The following PDZD2 variants were observed in gnomAD, a reference collection of about 807,000 sequenced individuals.
PDZD2 encodes the protein PDZ domain containing 2.
A neutral mutation model predicts 220.7 loss-of-function variants in PDZD2; 90 were observed. The observed-to-expected ratio is 0.41, with a 90% confidence interval of 0.34 to 0.49. The LOEUF (loss-of-function observed/expected upper bound fraction) is 0.49. Ranked by LOEUF, PDZD2 falls within the 20% of genes least tolerant of loss-of-function variation. The pLI is 0.28. For missense variants in PDZD2, 3,174 were observed against 3,608.5 expected, an observed-to-expected ratio of 0.88 and a Z score of 3.08; for synonymous variants, 1,375 against 1,450.5, an observed-to-expected ratio of 0.95 and a Z score of 1.18.
chr5:32,052,381 G>A, intron 8 of PDZD2: 1 of 408,228 alleles, frequency 2.4e-6, no homozygotes, highest in Non-Finnish European at 4.5e-6. Context: ...CCTGACCTCA[G>A]GTGACCCACC....
rs561426949 is a variant in PDZD2, at chr5:31,869,558, T to C, written c.476+69834T>C. The stretch of plus-strand genomic sequence containing the variant: ...CAGCCTGGGCGACAGAGCGAGACTC[T>C]GTCTCAAAAGAAAAAAAAAACAAAA... On this transcript the variant is annotated intron_variant, in intron 2 of 24. Transcript: ENST00000438447. 5.9e-5 allele frequency among the ~76,000 whole-genome samples: 9 copies of C among 152,000 alleles called. No homozygotes were observed. The East Asian group carries it at 7.7e-4, about 13-fold the overall frequency.
chr5:31,671,088 G>A (rs1046802291), intron 1 of PDZD2, among the ~76,000 whole-genome samples: 1 of 152,124 alleles, frequency 6.6e-6, no homozygotes, highest in Admixed American at 6.5e-5. Context: ...CAGGCAGGGT[G>A]GCTTGGGAGC....
At chr5:31,909,013 C>T (rs1742943100) in intron 2 of PDZD2, 1 of 284,116 alleles carries the variant, frequency 3.5e-6, no homozygotes, top group African/African-American at 2.2e-5. Flanking sequence ...TGCACTCCAG[C>T]CTGGGTAACA....
At chr5:31,802,446 C>T (rs138958544) in intron 2 of PDZD2, among the ~76,000 whole-genome samples, 4 of 152,184 alleles carry the variant, frequency 2.6e-5, no homozygotes, top group Non-Finnish European at 5.9e-5. Context: ...ATGGGCACTC[C>T]GAAAGAAATG....
chr5:32,007,385 T>TAA (rs572413432), intron 5 of PDZD2, among the ~76,000 whole-genome samples: 54 of 136,460 alleles, frequency 4.0e-4, no homozygotes, highest in African/African-American at 1.2e-3. Flanking sequence ...AGTTGGGATT[T>TAA]AAAAAAAAAA....
intron 2 of PDZD2, among the ~76,000 whole-genome samples, chr5:31,896,354 GTGTGTGTGTGTGTA>G (rs947568825): frequency 3.4e-5 from 5 of 147,486 alleles, no homozygotes; most frequent in African/African-American, 5.3e-5. Context: ...GTGTGTGTGT[GTGTGTGTGTGTGTA>G]TGTGTGTGTG....
At chr5:31,910,233 T>TTG in intron 2 of PDZD2, among the ~76,000 whole-genome samples, 2 of 146,734 alleles carry the variant, frequency 1.4e-5, no homozygotes, top group African/African-American at 5.1e-5. Flanking sequence ...TTTTTTTTTT[T>TTG]TTTGGAGACT....
chr5:31,785,102 A>C (rs889815610), intron 1 of PDZD2, among the ~76,000 whole-genome samples: 1 of 152,104 alleles, frequency 6.6e-6, no homozygotes, highest in Admixed American at 6.6e-5. Flanking sequence ...TCCTGCCTTC[A>C]GGGTAAGCAT....
At chr5:31,918,547 C>G (rs1743883887) in intron 2 of PDZD2, among the ~76,000 whole-genome samples, 1 of 152,212 alleles carries the variant, frequency 6.6e-6, no homozygotes, top group Non-Finnish European at 1.5e-5. Flanking sequence ...CTGACTGTCT[C>G]AGGGATAACC....
intron 2 of PDZD2, among the ~76,000 whole-genome samples, chr5:31,959,439 A>G (rs1307041425): frequency 2.0e-5 from 3 of 150,492 alleles, no homozygotes; most frequent in Non-Finnish European, 3.0e-5. Flanking sequence ...GCTCACTGCA[A>G]CCTCCTTCTC....
chr5:31,648,827 C>A (rs1388414515), intron 1 of PDZD2, among the ~76,000 whole-genome samples: 1 of 152,108 alleles, frequency 6.6e-6, no homozygotes, highest in African/African-American at 2.4e-5. Context: ...AGTCGATGAA[C>A]CTGTGTTGGA....
At chr5:31,818,063 G>A (rs142627366) in intron 2 of PDZD2, among the ~76,000 whole-genome samples, 7 of 146,574 alleles carry the variant, frequency 4.8e-5, no homozygotes, top group African/African-American at 1.3e-4. Context: ...TCAACTTCCC[G>A]GACTCAGGTG....
chr5:31,739,185 C>A (rs538084857), intron 1 of PDZD2, among the ~76,000 whole-genome samples: 1 of 152,142 alleles, frequency 6.6e-6, no homozygotes, highest in Non-Finnish European at 1.5e-5. Context: ...CACACCGGGC[C>A]AAATATGCAC....
At chr5:31,871,757 A>G (rs1738818568) in intron 2 of PDZD2, among the ~76,000 whole-genome samples, 1 of 152,054 alleles carries the variant, frequency 6.6e-6, no homozygotes, top group Admixed American at 6.6e-5. Context: ...CCCGTACTTG[A>G]GCTTTCATCA....
At chr5:32,041,879 C>T (rs1451372396) in intron 7 of PDZD2, among the ~76,000 whole-genome samples, 1 of 122,610 alleles carries the variant, frequency 8.2e-6, no homozygotes, top group Non-Finnish European at 1.7e-5. Flanking sequence ...AACAACAAAA[C>T]TATAGGTAAA....
chr5:31,791,271 G>T (rs1405236651), intron 1 of PDZD2, among the ~76,000 whole-genome samples: 1 of 151,998 alleles, frequency 6.6e-6, no homozygotes, highest in Non-Finnish European at 1.5e-5. Context: ...CTGAGTTGGG[G>T]AGCTGTAGAC....
At position 31,956,288 on chromosome 5, in the gene PDZD2, G is replaced by A. The variant is rs191512585; in HGVS notation, c.477-26867G>A. On this transcript the variant is annotated intron_variant, in intron 2 of 24. Coordinates refer to ENST00000438447, the MANE Select transcript of PDZD2 (RefSeq NM_178140.4). ...TAATATTTGCTTTATATGTTTCGGT[G>A]CACCAATGTTGGGTGAAAAACAACA... 2.0e-5 allele frequency among the ~76,000 whole-genome samples: 3 copies of A among 149,840 alleles called. No homozygotes were observed. The East Asian group carries it at 5.8e-4, about 29-fold the overall frequency.
At chr5:31,930,274 C>T (rs1384862861) in intron 2 of PDZD2, among the ~76,000 whole-genome samples, 1 of 144,460 alleles carries the variant, frequency 6.9e-6, no homozygotes, top group African/African-American at 2.6e-5. Context: ...GGCATGATCT[C>T]CGCTTACTGC....
At chr5:31,681,685 G>A (rs1010149103) in intron 1 of PDZD2, among the ~76,000 whole-genome samples, 42 of 152,020 alleles carry the variant, frequency 2.8e-4, no homozygotes, top group African/African-American at 1.0e-3. Flanking sequence ...AAGAGTTTTC[G>A]AAACTATAAA....
Sources: allele counts gnomAD v4.1 joint callset (sites outside exome capture counted in the v4.1 genomes callset), GRCh38; gene constraint gnomAD v4.1.1; transcripts MANE v1.5; gene names NCBI Gene and HGNC (gene_info 2026-07-23, HGNC 2026-07-21).